The following PHKB variants were observed in gnomAD, a reference collection of about 807,000 sequenced individuals.
The protein encoded by PHKB is phosphorylase kinase regulatory subunit beta.
Under a neutral mutation model 152.1 loss-of-function variants are expected in PHKB, and 122 were observed. The ratio of observed to expected loss-of-function variants is 0.80; its 90% confidence interval spans 0.69 to 0.93. PHKB has a LOEUF of 0.93. Ranked by LOEUF, PHKB falls within the 40% of genes least tolerant of loss-of-function variation. The probability of loss-of-function intolerance (pLI) is 0.00; values close to 1 mark genes in which losing one functional copy is unlikely to be tolerated. For missense variants in PHKB, 1,304 were observed against 1,328.4 expected (o/e 0.98, Z 0.29); for synonymous variants, 436 against 464.9 (o/e 0.94, Z 0.80).
intron 20 of PHKB, 39 bp from the exon 21 acceptor site, chr16:47,660,465 ATG>A (rs1973420346): frequency 2.6e-6 from 4 of 1,511,454 alleles, no homozygotes; most frequent in Admixed American, 1.7e-5. Flanking sequence ...GTATGGCTTG[ATG>A]TATCTAAGAG....
intron 7 of PHKB, chr16:47,561,184 A>G (rs1027401319): frequency 1.3e-5 from 2 of 152,236 alleles, no homozygotes; most frequent in Non-Finnish European, 2.9e-5. Flanking sequence ...GAAATGAAAG[A>G]AAAGGAAGAG....
At chr16:47,486,492 G>T (rs970261994) in intron 1 of PHKB, among the ~76,000 whole-genome samples, 4 of 152,166 alleles carry the variant, frequency 2.6e-5, no homozygotes, top group African/African-American at 9.7e-5. Flanking sequence ...ATAGACTGTT[G>T]TTCTATGGGA....
chr16:47,676,871 T>C (rs1412346995), intron 26 of PHKB, among the ~76,000 whole-genome samples: 3 of 152,244 alleles, frequency 2.0e-5, no homozygotes, highest in African/African-American at 7.2e-5. Flanking sequence ...GCTGCAGGTC[T>C]GTCAGTCAAG....
intron 1 of PHKB, among the ~76,000 whole-genome samples, chr16:47,492,881 G>T (rs941456474): frequency 5.9e-5 from 9 of 152,330 alleles, no homozygotes; most frequent in South Asian, 2.1e-4. Context: ...TTTCTCCTTA[G>T]TTCACCTAAA....
chr16:47,470,155 G>A (rs1969739500), intron 1 of PHKB, among the ~76,000 whole-genome samples: 1 of 152,158 alleles, frequency 6.6e-6, no homozygotes, highest in African/African-American at 2.4e-5. Flanking sequence ...GGTGTGAAGT[G>A]GGAAATCAGG....
intron 14 of PHKB, among the ~76,000 whole-genome samples, chr16:47,622,000 A>T (rs1427146508): frequency 6.6e-6 from 1 of 152,238 alleles, no homozygotes; most frequent in African/African-American, 2.4e-5. Flanking sequence ...AAAAGTTTCA[A>T]TAATAGGCAT....
chr16:47,588,968 C>G lies in PHKB; in HGVS notation c.934C>G (p.Leu312Val). 13 of 1,613,850 alleles carry G rather than the reference C, an allele frequency of 8.1e-6. No homozygotes were observed. The highest frequency in any genetic ancestry group is 1.1e-5 in the Non-Finnish European group (13 of 1,179,840). The change falls in exon 10 of 31, where the codon CTT (leucine) becomes GTT (valine). Residue 312 changes from leucine (L) to valine (V), a missense_variant. Transcript: ENST00000323584. ...TGCATTTGCCCTGGATGATGAAGTT[C>G]TTTTTAGCCAGACACTTGATAAAGT... is the stretch of plus-strand genomic sequence containing the variant. The part of the protein sequence containing the change: ...YPAFALDDEV[L>V]FSQTLDKVVR...
intron 10 of PHKB, among the ~76,000 whole-genome samples, chr16:47,592,710 G>A (rs1361357998): frequency 6.6e-6 from 1 of 152,216 alleles, no homozygotes; most frequent in Non-Finnish European, 1.5e-5. Context: ...TCTGAGGGAA[G>A]TTCTCTGTCT....
chr16:47,474,854 A>G (rs536828708), intron 1 of PHKB, among the ~76,000 whole-genome samples: 9 of 152,012 alleles, frequency 5.9e-5, no homozygotes, highest in Admixed American at 2.6e-4. Context: ...CCTCCCAAGT[A>G]GCTGGGATTA....
chr16:47,628,258 C>T (rs553725266), intron 14 of PHKB, among the ~76,000 whole-genome samples: 5 of 152,260 alleles, frequency 3.3e-5, no homozygotes, highest in South Asian at 2.1e-4. Flanking sequence ...ACTGGCCGGG[C>T]GCGGTGGCTC....
At chr16:47,545,733 A>T (rs1971150332) in intron 6 of PHKB, among the ~76,000 whole-genome samples, 1 of 152,186 alleles carries the variant, frequency 6.6e-6, no homozygotes, top group African/African-American at 2.4e-5. Context: ...ACACGAATCA[A>T]ACGTAGATTT....
At chr16:47,574,814 A>C (rs957219399) in intron 7 of PHKB, among the ~76,000 whole-genome samples, 7 of 152,238 alleles carry the variant, frequency 4.6e-5, no homozygotes, top group Non-Finnish European at 8.8e-5. Context: ...ATCAGATTTC[A>C]ACATGAGACT....
chr16:47,688,922 A>G (rs1974012284), intron 26 of PHKB, 119 bp from the exon 27 acceptor site: 1 of 1,046,270 alleles, frequency 9.6e-7, no homozygotes, highest in East Asian at 2.4e-5. Flanking sequence ...GGAAACTCAA[A>G]CGGCCTCTTC....
At chr16:47,663,959 G>A (rs1014122077) in intron 24 of PHKB, 2 of 580,842 alleles carry the variant, frequency 3.4e-6, no homozygotes, top group Middle Eastern at 4.6e-4. Context: ...AACCTGAAGA[G>A]TATTCGCTGG....
chr16:47,626,870 C>A (rs950503663), intron 14 of PHKB, among the ~76,000 whole-genome samples: 1 of 152,184 alleles, frequency 6.6e-6, no homozygotes, highest in Non-Finnish European at 1.5e-5. Flanking sequence ...CCTCCTACAG[C>A]CAAATGATAG....
chr16:47,643,427 A>G (rs191723915), intron 16 of PHKB, among the ~76,000 whole-genome samples: 21 of 152,336 alleles, frequency 1.4e-4, no homozygotes, highest in Non-Finnish European at 2.9e-5. Flanking sequence ...AGAGCAAGTA[A>G]AGACTTACAA....
intron 6 of PHKB, among the ~76,000 whole-genome samples, chr16:47,547,060 C>T (rs930590713): frequency 2.0e-5 from 3 of 152,208 alleles, no homozygotes; most frequent in Non-Finnish European, 4.4e-5. Context: ...CTTGCACTTC[C>T]TGGGTGAAGC....
At chr16:47,634,261 C>T (rs1013265850) in intron 14 of PHKB, among the ~76,000 whole-genome samples, 3 of 152,170 alleles carry the variant, frequency 2.0e-5, no homozygotes, top group African/African-American at 7.2e-5. Context: ...TCAAAGTTTG[C>T]AAATATTTTA....
chr16:47,594,475 T>G (rs1396382684), intron 12 of PHKB, among the ~76,000 whole-genome samples: 1 of 152,196 alleles, frequency 6.6e-6, no homozygotes, highest in Non-Finnish European at 1.5e-5. Flanking sequence ...ACTCCATTAC[T>G]CTGTATAGAA....
Sources: allele counts gnomAD v4.1 joint callset (sites outside exome capture counted in the v4.1 genomes callset), GRCh38; gene constraint gnomAD v4.1.1; transcripts MANE v1.5; gene names NCBI Gene and HGNC (gene_info 2026-07-23, HGNC 2026-07-21).